Variants in KIF15 observed in about 807,000 individuals in gnomAD.
KIF15 encodes the protein kinesin-like protein KIF15.
A neutral mutation model predicts 190.6 loss-of-function variants in KIF15; 140 were observed. The observed-to-expected ratio is 0.73, with a 90% CI of 0.64 to 0.84. The LOEUF (loss-of-function observed/expected upper bound fraction) is 0.84, where lower values mean the gene tolerates loss of function less well. Among genes scored for constraint, KIF15 ranks in the 40% least tolerant of loss-of-function variants. The probability of loss-of-function intolerance (pLI) is 0.00; values close to 1 mark genes in which losing one functional copy is unlikely to be tolerated. For synonymous variants in KIF15, 528 were observed against 551.3 expected (o/e 0.96, Z 0.59); for missense variants, 1,372 against 1,584.4 (o/e 0.87, Z 2.28).
intron 8 of KIF15, among the ~76,000 whole-genome samples, chr3:44,795,665 A>G (rs1377967071): frequency 7.6e-6 from 1 of 130,824 alleles, no homozygotes; most frequent in African/African-American, 2.9e-5. Context: ...TGTAATATGT[A>G]TTGTCAATAT....
Position 44,848,004 on chromosome 3 carries a change from A to G in KIF15, c.3715A>G (p.Asn1239Asp). Residue 1239 changes from asparagine (N) to aspartate (D), a missense_variant, in exon 31 of 35, where the codon AAT becomes GAT. Transcript: ENST00000326047. ...ATGCAGTGATCAGAATCATCCAGATAATCAACAGCTGAAGAATGAACAAGA... is the reference window on the plus strand; with the variant it reads ...ATGCAGTGATCAGAATCATCCAGATGATCAACAGCTGAAGAATGAACAAGA... ...KENSDQNHPD[N>D]QQLKNEQEES... 6.8e-6 allele frequency: 11 copies of G among 1,611,308 alleles called. No individual in the cohort carries two copies. The highest frequency in any genetic ancestry group is 8.5e-6 in the Non-Finnish European group (10 of 1,178,760).
chr3:44,840,275 A>T lies in KIF15; in HGVS notation c.3319-80A>T, dbSNP rs1201322460. 4.0e-6 allele frequency: 3 copies of T among 759,334 alleles called. No homozygotes were observed. In the East Asian group the frequency reaches 8.1e-5, roughly 20 times the overall value. 47.0% of individuals were successfully genotyped at this position (759,334 alleles called of 1,614,324 possible). Reference sequence around the variant, plus strand: ...ATTTGCATTTCCCTGATGATTGGTGATGGGAAGTTTGTCTTTTCTATTTGG... The same window carrying T: ...ATTTGCATTTCCCTGATGATTGGTGTTGGGAAGTTTGTCTTTTCTATTTGG... On this transcript the variant is annotated intron_variant, in intron 27 of 34. Coordinates refer to ENST00000326047, the MANE Select transcript of KIF15 (RefSeq NM_020242.3).
chr3:44,828,391 G>C (rs1697794497), intron 24 of KIF15, 91 bp downstream of exon 24: 1 of 826,056 alleles, frequency 1.2e-6, no homozygotes, highest in East Asian at 2.6e-5. Context: ...TGCACCTCCA[G>C]GGTGACCAAT....
At chr3:44,860,226 A>G (rs58677023) in intron 6 of KIF15, among the ~76,000 whole-genome samples, 309 of 152,262 alleles carry the variant, frequency 2.0e-3, no homozygotes, top group African/African-American at 7.0e-3. Context: ...TCAATGCAAC[A>G]CCTCTTGATT....
rs1403607853 is a variant in KIF15 at position 44,817,031 on chromosome 3, T to C, written c.2549+1955T>C. Among the ~76,000 whole-genome samples, 8 of 151,742 alleles carry C rather than the reference T, an allele frequency of 5.3e-5. No individual in the cohort carries two copies. The South Asian group carries it at 1.7e-3, about 31-fold the overall frequency. Reference sequence around the variant, plus strand: ...TTCATGTGTCTCTTGGCTGCATAAATGTTTTTTTTTTGAGAAGTGTCTGTT... The same window carrying C: ...TTCATGTGTCTCTTGGCTGCATAAACGTTTTTTTTTTGAGAAGTGTCTGTT... On this transcript the variant is annotated intron_variant, in intron 20 of 34. Coordinates refer to ENST00000326047, the MANE Select transcript of KIF15 (RefSeq NM_020242.3).
At chr3:44,784,999 C>T in intron 6 of KIF15, 57 bp downstream of exon 6, 2 of 872,360 alleles carry the variant, frequency 2.3e-6, no homozygotes, top group Non-Finnish European at 3.7e-6. Flanking sequence ...GAATAGGTAG[C>T]TACTGATAAT....
chr3:44,771,223 T>G (rs754561963), intron 1 of KIF15, among the ~76,000 whole-genome samples: 9 of 152,186 alleles, frequency 5.9e-5, no homozygotes, highest in Non-Finnish European at 1.3e-4. Context: ...TAACTTAACA[T>G]AACAACCTTA....
At position 44,851,889 on chromosome 3, in the gene KIF15, G is replaced by A. The variant is rs758074837; in HGVS notation, c.3909G>A (p.Gln1303=). The change falls in exon 33 of 35, where the codon CAG becomes CAA. Residue 1303 remains glutamine (Q), a synonymous_variant. Transcript: ENST00000326047. Reference sequence around the variant, plus strand: ...AAACTTTGGAGTCTAAAGCATTCCAGGAAAAAGAACAACTGAGATCAAAGC... The same window carrying A: ...AAACTTTGGAGTCTAAAGCATTCCAAGAAAAAGAACAACTGAGATCAAAGC... The part of the protein sequence containing the change: ...RTQTLESKAF[Q]EKEQLRSKLE... 9.3e-6 allele frequency: 15 copies of A among 1,613,904 alleles called. No homozygotes were observed. The highest frequency in any genetic ancestry group is 1.3e-5 in the Non-Finnish European group (15 of 1,179,910).
At chr3:44,786,609 C>T in intron 7 of KIF15, 35 bp downstream of exon 7, 1 of 1,541,126 alleles carries the variant, frequency 6.5e-7, no homozygotes, top group South Asian at 1.2e-5. Flanking sequence ...GGTGCTTAGG[C>T]AACAAACCTG....
intron 13 of KIF15, 89 bp from the exon 14 acceptor site, chr3:44,802,725 A>T: frequency 7.7e-7 from 1 of 1,307,146 alleles, no homozygotes; most frequent in Non-Finnish European, 1.0e-6. Context: ...GCATGTGCAT[A>T]CCTAGTTTTC....
intron 30 of KIF15, among the ~76,000 whole-genome samples, chr3:44,847,264 G>C (rs1272470288): frequency 6.6e-6 from 1 of 152,140 alleles, no homozygotes; most frequent in Non-Finnish European, 1.5e-5. Context: ...TCCTAGAGAA[G>C]CCTACAACAT....
intron 29 of KIF15, among the ~76,000 whole-genome samples, chr3:44,841,889 A>G (rs1311924798): frequency 6.6e-6 from 1 of 152,080 alleles, no homozygotes; most frequent in Non-Finnish European, 1.5e-5. Flanking sequence ...ACATAACCAC[A>G]TCGCTAAGCA....
At position 44,800,391 on chromosome 3, in the gene KIF15, G is replaced by C. The variant is rs113767782; in HGVS notation, c.1176G>C (p.Ala392=). The change falls in exon 11 of 35, where the codon GCG becomes GCC. Residue 392 remains alanine, a synonymous_variant. Coordinates refer to ENST00000326047, the MANE Select transcript of KIF15 (RefSeq NM_020242.3). ...AEVKRLKEQL[A]ELASGQTPPE... ...TGAAGAGGCTCAAAGAACAACTGGCGGAGCTTGCTTCAGGACAGACACCAC... is the reference window on the plus strand; with the variant it reads ...TGAAGAGGCTCAAAGAACAACTGGCCGAGCTTGCTTCAGGACAGACACCAC... The C allele has an allele frequency of 7.5e-4, 1,205 of 1,614,098 alleles. 12 individuals are homozygous for C. The African/African-American group carries it at 0.014, about 18-fold the overall frequency.
chr3:44,825,563 C>A (rs1052549372), intron 20 of KIF15, among the ~76,000 whole-genome samples: 1 of 152,210 alleles, frequency 6.6e-6, no homozygotes, highest in East Asian at 1.9e-4. Context: ...CTTCCAAAAA[C>A]ATTTTCTTTC....
chr3:44,842,237 CTTG>C (rs1276607949), intron 29 of KIF15, among the ~76,000 whole-genome samples: 5 of 151,860 alleles, frequency 3.3e-5, no homozygotes, highest in Non-Finnish European at 7.4e-5. Flanking sequence ...AAAATACTTT[CTTG>C]TTTTCCATTT....
chr3:44,843,665 T>G (rs1698716764), intron 30 of KIF15, among the ~76,000 whole-genome samples: 2 of 152,178 alleles, frequency 1.3e-5, no homozygotes, highest in Admixed American at 1.3e-4. Context: ...CAGAGGAGCA[T>G]TCACTTGGAT....
At chr3:44,795,625 A>G (rs1178017652) in intron 8 of KIF15, among the ~76,000 whole-genome samples, 1 of 152,172 alleles carries the variant, frequency 6.6e-6, no homozygotes, top group African/African-American at 2.4e-5. Context: ...GTCCTAGGCT[A>G]AGGTATCAAC....
Position 44,775,349 on chromosome 3 carries a change from T to C in KIF15, c.158T>C (p.Val53Ala), listed in dbSNP as rs201935362. Residue 53 changes from valine to alanine, a missense_variant, in exon 3 of 35, where the codon GTG (valine) becomes GCG (alanine). Coordinates refer to ENST00000326047, the MANE Select transcript of KIF15 (RefSeq NM_020242.3). ...GGAGAGCAGAACTTATGCTTATCTG[T>C]GCTGTCCTCCACGAGTCTCCGGCTG... ...ADGEQNLCLS[V>A]LSSTSLRLHS... 10 of 1,614,014 alleles carry C rather than the reference T, an allele frequency of 6.2e-6. No individual in the cohort carries two copies. Among genetic ancestry groups the C allele is most frequent in the Admixed American group, 1.7e-5 (1 of 59,992 alleles).
intron 26 of KIF15, among the ~76,000 whole-genome samples, chr3:44,836,260 G>C (rs1186027726): frequency 1.3e-5 from 2 of 152,126 alleles, no homozygotes; most frequent in Non-Finnish European, 2.9e-5. Flanking sequence ...GGAGGCTGAG[G>C]CATGAGAATC....
Sources: allele counts gnomAD v4.1 joint callset (sites outside exome capture counted in the v4.1 genomes callset), GRCh38; gene constraint gnomAD v4.1.1; transcripts MANE v1.5; gene names NCBI Gene and HGNC (gene_info 2026-07-23, HGNC 2026-07-21).